SIRT3: variants seen among roughly 807,000 people sequenced by gnomAD.
SIRT3 encodes the protein NAD-dependent protein deacetylase sirtuin-3, mitochondrial.
In SIRT3, 26 loss-of-function variants were observed where a neutral mutation model predicts 33.5. The observed-to-expected ratio is 0.78, with a 90% CI of 0.57 to 1.08. The LOEUF (loss-of-function observed/expected upper bound fraction) is 1.08, where lower values mean the gene tolerates loss of function less well. Among genes scored for constraint, SIRT3 ranks in the 50% least tolerant of loss-of-function variants. SIRT3 has a pLI of 0.00. For synonymous variants in SIRT3, 237 were observed against 222.1 expected (o/e 1.07, Z -0.60); for missense variants, 585 against 530.1 (o/e 1.10, Z -1.02).
At chr11:236,405 GC>G (rs1859156843), upstream of SIRT3, 4 of 350,218 alleles carry the variant, frequency 1.1e-5, no homozygotes, top group Non-Finnish European at 1.3e-5. Flanking sequence ...TCCCACCCCC[GC>G]CCCCGGCGCC....
chr11:235,756 A>G (rs1858939063), intron 1 of SIRT3, among the ~76,000 whole-genome samples: 1 of 152,226 alleles, frequency 6.6e-6, no homozygotes, highest in Admixed American at 6.5e-5. Context: ...TTTTGGACCT[A>G]GCAATCCCAG....
In SIRT3 at chr11:216,110, C is replaced by G. The variant is rs1274162929; in HGVS notation, c.*588G>C. On this transcript the variant is annotated 3_prime_UTR_variant, in exon 7 of 7. Transcript: ENST00000382743. ...GGGGACGCCACGTATCCCAGGGTTC[C>G]CTTTCCAACTCATGTCAACACCTGC... 6.5e-6 allele frequency: 1 copy of G among 152,796 alleles called. No homozygotes were observed. The highest frequency in any genetic ancestry group is 1.5e-5 in the Non-Finnish European group (1 of 68,172). 9.5% of individuals were successfully genotyped at this position (152,796 alleles called of 1,614,324 possible).
chr11:227,078 TAAAAG>T, intron 4 of SIRT3, among the ~76,000 whole-genome samples: 1 of 150,868 alleles, frequency 6.6e-6, no homozygotes, highest in East Asian at 2.0e-4. Flanking sequence ...GCAGAAGAAA[TAAAAG>T]AAAATTCATA....
chr11:235,320 C>T (rs1417357669), intron 1 of SIRT3, among the ~76,000 whole-genome samples: 1 of 152,142 alleles, frequency 6.6e-6, no homozygotes. Flanking sequence ...ATCCTCTTGC[C>T]TTAGTCTCAG....
intron 3 of SIRT3, 76 bp from the exon 4 acceptor site, chr11:230,628 G>T: frequency 9.5e-7 from 1 of 1,048,984 alleles, no homozygotes; most frequent in Non-Finnish European, 1.3e-6. Flanking sequence ...CAACTTCTGG[G>T]CTTGGCAGGA....
chr11:223,618 C>G lies in SIRT3; in HGVS notation c.969+460G>C. On this transcript the variant is annotated intron_variant, in intron 5 of 6. Coordinates refer to ENST00000382743, the MANE Select transcript of SIRT3 (RefSeq NM_012239.6). This position sits in a 1 kb window ranked among gnomAD's most constrained non-coding sequence, Gnocchi z 4.8. Reference sequence around the variant, plus strand: ...CTGCCCCTCCACCTCGCCCCCACACCCCCATCCTTCTCCCTTCTCCTCACA... The same window carrying G: ...CTGCCCCTCCACCTCGCCCCCACACGCCCATCCTTCTCCCTTCTCCTCACA... 2.1e-6 allele frequency: 1 copy of G among 474,922 alleles called. No homozygotes were observed. Among genetic ancestry groups the G allele is most frequent in the Non-Finnish European group, 3.9e-6 (1 of 254,008 alleles). The allele number at this position is 474,922 out of a possible 1,614,324, so 29.4% of individuals were successfully genotyped here. A position where few individuals can be genotyped will look rare whatever the true frequency, so the allele number is the denominator to read the frequency against.
chr11:221,303 G>A (rs1037332909), intron 5 of SIRT3, among the ~76,000 whole-genome samples: 1 of 152,200 alleles, frequency 6.6e-6, no homozygotes, highest in Non-Finnish European at 1.5e-5. Flanking sequence ...TAGAGACGAG[G>A]TCTGACTATA....
chr11:229,207 CTT>C (rs34508333), intron 4 of SIRT3, among the ~76,000 whole-genome samples: 23,729 of 152,156 alleles, frequency 0.16, 2,320 homozygotes, highest in Middle Eastern at 0.22. Context: ...TAATCCCACA[CTT>C]TGGGAGAAAG....
upstream of SIRT3, chr11:236,351 C>T (rs1398964805): frequency 2.4e-6 from 3 of 1,265,144 alleles, no homozygotes; most frequent in Non-Finnish European, 3.0e-6. Flanking sequence ...CCAAGGAGTC[C>T]TCCGGACTCG....
rs145124257 is a variant in SIRT3, at chr11:222,819, G to A, written c.969+1259C>T. ...ACCCTCCTTGCTGCTTGTCACCTGT[G>A]CAGTGTCCCCTGCCAGACCCTCCTC... is the stretch of plus-strand genomic sequence containing the variant. On this transcript the variant is annotated intron_variant, in intron 5 of 6. Transcript: ENST00000382743. The A allele has an allele frequency of 1.4e-3, 210 of 152,676 alleles. 1 individual carries two copies. Among genetic ancestry groups the A allele is most frequent in the Middle Eastern group, 3.4e-3 (1 of 294 alleles). 9.5% of individuals were successfully genotyped at this position (152,676 alleles called of 1,614,324 possible).
At chr11:218,226 A>G (rs924206066) in intron 6 of SIRT3, among the ~76,000 whole-genome samples, 1 of 152,216 alleles carries the variant, frequency 6.6e-6, no homozygotes, top group Non-Finnish European at 1.5e-5. Context: ...TTAAATGCTT[A>G]ATGCTACCAC....
intron 1 of SIRT3, among the ~76,000 whole-genome samples, chr11:234,987 C>CCTGCCT (rs1415419436): frequency 6.6e-6 from 1 of 151,930 alleles, no homozygotes; most frequent in Non-Finnish European, 1.5e-5. Flanking sequence ...AAGTGATTCT[C>CCTGCCT]CTGCCTCCGC....
In SIRT3 at chr11:230,496, T is replaced by C. The variant is rs1338516362; in HGVS notation, c.763A>G (p.Thr255Ala). 3 of 1,540,600 alleles carry C rather than the reference T, an allele frequency of 1.9e-6. No individual in the cohort carries two copies. In the East Asian group the frequency reaches 7.7e-5, roughly 40 times the overall value. Residue 255 changes from threonine (T) to alanine (A), a missense_variant, in exon 4 of 7, where the codon ACC (threonine) becomes GCC (alanine). Thr to Ala is a moderately conservative substitution (Grantham distance 58, BLOSUM62 0). Transcript: ENST00000382743. ...VEAHGTFASA[T>A]CTVCQRPFPG... The stretch of plus-strand genomic sequence containing the variant: ...AAGGGTCTTTGGCAGACTGTGCAGG[T>C]GGCAGAGGCAAAGGTTCCATGAGCT...
Position 226,831 on chromosome 11 carries a change from G to A in SIRT3, c.808-2592C>T, listed in dbSNP as rs181141032. The stretch of plus-strand genomic sequence containing the variant: ...TGCAATGGCCTAATCTCAGCTCACC[G>A]CAACCTCCGCCTCCCTGGTTCAAGC... On this transcript the variant is annotated intron_variant, in intron 4 of 6. Transcript: ENST00000382743. Among the ~76,000 whole-genome samples, 18 of 143,872 alleles carry A rather than the reference G, an allele frequency of 1.3e-4. No homozygotes were observed. In the East Asian group the frequency reaches 1.5e-3, roughly 12 times the overall value. 94.4% of individuals were successfully genotyped at this position (143,872 alleles called of 152,430 possible).
intron 4 of SIRT3, among the ~76,000 whole-genome samples, chr11:226,871 A>C (rs1857246881): frequency 6.6e-6 from 1 of 150,684 alleles, no homozygotes; most frequent in East Asian, 2.0e-4. Flanking sequence ...CGCCTGCCTC[A>C]GCCTCCCGAG....
In SIRT3 at chr11:236,240, G is replaced by C; in HGVS notation, c.89C>G (p.Pro30Arg). The C allele has an allele frequency of 2.6e-6, 4 of 1,553,698 alleles. No homozygotes were observed. The highest frequency in any genetic ancestry group is 3.5e-6 in the Non-Finnish European group (4 of 1,153,414). Residue 30 changes from proline (P) to arginine (R), a missense_variant, in exon 1 of 7, where the codon CCG becomes CGG. Pro to Arg is a moderately radical substitution (Grantham distance 103). Transcript: ENST00000382743. ...ERVEAGGGVGPFQACGCRLVL... is the reference protein window; with the variant it reads ...ERVEAGGGVGRFQACGCRLVL... ...CAGCCGACAGCCGCAGGCCTGAAACGGCCCCACGCCTCCCCCGGCCTCGAC... is the reference window on the plus strand; with the variant it reads ...CAGCCGACAGCCGCAGGCCTGAAACCGCCCCACGCCTCCCCCGGCCTCGAC...
At chr11:231,334 G>C (rs1278737788) in intron 3 of SIRT3, among the ~76,000 whole-genome samples, 2 of 152,044 alleles carry the variant, frequency 1.3e-5, no homozygotes, top group African/African-American at 4.8e-5. Flanking sequence ...TATTCCAGAG[G>C]CTGAGGCAAA....
chr11:218,519 A>T (rs1164000885), intron 6 of SIRT3, among the ~76,000 whole-genome samples: 1 of 152,238 alleles, frequency 6.6e-6, no homozygotes, highest in African/African-American at 2.4e-5. Flanking sequence ...ACCAGGCCTT[A>T]GAGGGACACT....
chr11:230,632 G>A (rs1369648863), intron 3 of SIRT3, 80 bp from the exon 4 acceptor site: 1 of 993,702 alleles, frequency 1.0e-6, no homozygotes, highest in Admixed American at 3.2e-5. Context: ...TTCTGGGCTT[G>A]GCAGGACTCC....
Sources: allele counts gnomAD v4.1 joint callset (sites outside exome capture counted in the v4.1 genomes callset), GRCh38; gene constraint gnomAD v4.1.1; non-coding constraint Gnocchi (gnomAD v3.1); transcripts MANE v1.5; gene names NCBI Gene and HGNC (gene_info 2026-07-23, HGNC 2026-07-21).